WWC1: variants seen among roughly 807,000 people sequenced by gnomAD.
WWC1 encodes WW and C2 domain containing 1, also known as protein KIBRA.
A neutral mutation model predicts 138.4 loss-of-function variants in WWC1; 55 were observed. The observed-to-expected ratio is 0.40, with a 90% CI of 0.32 to 0.50. The LOEUF (loss-of-function observed/expected upper bound fraction) is 0.50, where lower values mean the gene tolerates loss of function less well. Ranked by LOEUF, WWC1 falls within the 20% of genes least tolerant of loss-of-function variation. The pLI, the probability that WWC1 is intolerant of heterozygous loss-of-function variation, is 0.72. For synonymous variants in WWC1, 524 were observed against 564.9 expected (o/e 0.93, Z 1.03); for missense variants, 1,226 against 1,420.4 (o/e 0.86, Z 2.20).
intron 1 of WWC1, among the ~76,000 whole-genome samples, chr5:168,300,603 T>C (rs1484119581): frequency 8.0e-5 from 12 of 149,954 alleles, no homozygotes; most frequent in African/African-American, 2.4e-4. Context: ...AAAATGAAGC[T>C]GCATCAAGAT....
intron 11 of WWC1, among the ~76,000 whole-genome samples, chr5:168,425,186 C>T (rs1448436669): frequency 3.3e-5 from 5 of 152,056 alleles, no homozygotes; most frequent in Non-Finnish European, 7.4e-5. Context: ...TTTCTGGCCC[C>T]GGAACCCAAC....
intron 1 of WWC1, among the ~76,000 whole-genome samples, chr5:168,312,019 A>G (rs1249782092): frequency 4.0e-5 from 6 of 151,880 alleles, no homozygotes. Flanking sequence ...ACTGCACTCC[A>G]GCCTGGGTGA....
chr5:168,395,671 C>A (rs1778848201), intron 3 of WWC1, among the ~76,000 whole-genome samples: 1 of 152,194 alleles, frequency 6.6e-6, no homozygotes, highest in Non-Finnish European at 1.5e-5. Flanking sequence ...TAAAACATCT[C>A]TGTACATGGA....
chr5:168,429,184 C>T (rs574684395), intron 13 of WWC1, among the ~76,000 whole-genome samples: 2 of 151,950 alleles, frequency 1.3e-5, no homozygotes, highest in African/African-American at 4.8e-5. Context: ...CTGGGGGCTG[C>T]AGCCCAGATT....
At chr5:168,439,630 C>CAAA (rs59747531) in intron 15 of WWC1, among the ~76,000 whole-genome samples, 1 of 120,918 alleles carries the variant, frequency 8.3e-6, no homozygotes, top group Non-Finnish European at 1.8e-5. Context: ...AACTCTGTCT[C>CAAA]AAAAAAAAAA....
chr5:168,445,701 CAAAAAAAAAA>C (rs763044458), intron 17 of WWC1, among the ~76,000 whole-genome samples: 2 of 50,684 alleles, frequency 3.9e-5, no homozygotes, highest in Non-Finnish European at 7.8e-5. Flanking sequence ...GACTCTGTCT[CAAAAAAAAAA>C]AAAAAAAAAA....
intron 3 of WWC1, among the ~76,000 whole-genome samples, chr5:168,395,961 A>G (rs985018286): frequency 2.0e-5 from 3 of 152,234 alleles, no homozygotes; most frequent in African/African-American, 7.2e-5. Flanking sequence ...AAACAGTAGC[A>G]TTCCCCTCAT....
chr5:168,367,436 A>C (rs1582054853), intron 1 of WWC1, among the ~76,000 whole-genome samples: 2 of 151,570 alleles, frequency 1.3e-5, no homozygotes, highest in East Asian at 1.9e-4. Flanking sequence ...GGTTCACGCC[A>C]TTCTCCTGCC....
At chr5:168,394,720 A>G (rs1778764379) in intron 3 of WWC1, among the ~76,000 whole-genome samples, 1 of 152,244 alleles carries the variant, frequency 6.6e-6, no homozygotes, top group South Asian at 2.1e-4. Flanking sequence ...AGGGAGACTC[A>G]TCTCAATTGA....
chr5:168,395,259 AACAGGGTGGTTGGCAGG>A (rs1380198329), intron 3 of WWC1, among the ~76,000 whole-genome samples: 2 of 152,184 alleles, frequency 1.3e-5, no homozygotes, highest in Admixed American at 1.3e-4. Context: ...CAGCCTGATG[AACAGGGTGGTTGGCAGG>A]ACAGGGTGCT....
intron 1 of WWC1, among the ~76,000 whole-genome samples, chr5:168,315,710 A>G (rs1208113438): frequency 6.6e-6 from 1 of 152,156 alleles, no homozygotes; most frequent in East Asian, 1.9e-4. Context: ...GTGCAAGTGA[A>G]GGGTGCTGAG....
At chr5:168,350,871 C>T (rs1292184937) in intron 1 of WWC1, among the ~76,000 whole-genome samples, 1 of 152,132 alleles carries the variant, frequency 6.6e-6, no homozygotes, top group East Asian at 1.9e-4. Context: ...AGAGGCTGGG[C>T]GCGGTGGCTC....
Position 168,292,207 on chromosome 5 carries a change from G to C in WWC1, c.55G>C (p.Asp19His). ...PEGWEEARDF[D>H]GKVYYIDHTN... ...GGGCTGGGAGGAGGCGCGCGACTTC[G>C]ACGGCAAGGTCTACTACATAGACCA... Residue 19 changes from aspartate (D) to histidine (H), a missense_variant, in exon 1 of 23, where the codon GAC (aspartate) becomes CAC (histidine). Physicochemically the swap from Asp to His is moderately conservative, Grantham distance 81. Transcript: ENST00000265293. The surrounding 1 kb of genome is among the most constrained non-coding windows in gnomAD (Gnocchi z 4.4). The C allele has an allele frequency of 6.4e-7, 1 of 1,568,030 alleles. No homozygotes were observed. Among genetic ancestry groups the C allele is most frequent in the Non-Finnish European group, 8.6e-7 (1 of 1,156,968 alleles).
chr5:168,397,898 G>A (rs1779022675), intron 4 of WWC1, 98 bp downstream of exon 4: 3 of 1,308,398 alleles, frequency 2.3e-6, no homozygotes, highest in African/African-American at 2.9e-5. Flanking sequence ...GCTCCAGCCA[G>A]GCTATGACAG....
intron 1 of WWC1, among the ~76,000 whole-genome samples, chr5:168,301,805 A>T (rs939390628): frequency 5.9e-5 from 9 of 152,156 alleles, no homozygotes; most frequent in Non-Finnish European, 1.2e-4. Flanking sequence ...CTTTCCAGTT[A>T]GGCCAACCTA....
At chr5:168,368,113 G>T (rs1240414704) in intron 1 of WWC1, among the ~76,000 whole-genome samples, 7 of 119,278 alleles carry the variant, frequency 5.9e-5, no homozygotes, top group African/African-American at 1.9e-4. Flanking sequence ...TTTTTGAGAC[G>T]GAGTTTTGTT....
At chr5:168,464,202 A>G (rs1442888909) in intron 20 of WWC1, among the ~76,000 whole-genome samples, 1 of 152,226 alleles carries the variant, frequency 6.6e-6, no homozygotes, top group Non-Finnish European at 1.5e-5. Flanking sequence ...ATAGGGGCCC[A>G]TTACAGGAAC....
chr5:168,306,379 G>C (rs926126210), intron 1 of WWC1, among the ~76,000 whole-genome samples: 1 of 152,224 alleles, frequency 6.6e-6, no homozygotes, highest in African/African-American at 2.4e-5. Context: ...TTGGGCTACA[G>C]AGCGAGACTC....
At chr5:168,361,817 C>T (rs1051910099) in intron 1 of WWC1, among the ~76,000 whole-genome samples, 3 of 152,300 alleles carry the variant, frequency 2.0e-5, no homozygotes, top group Middle Eastern at 3.4e-3. Context: ...TGCGGTGGCT[C>T]ACGCCTGTAA....
Sources: gnomAD v4.1 joint callset for allele counts (sites outside exome capture counted in the v4.1 genomes callset) on GRCh38, gnomAD v4.1.1 for gene constraint, Gnocchi (gnomAD v3.1) non-coding constraint, MANE v1.5 for transcripts, NCBI Gene and HGNC (gene_info 2026-07-23, HGNC 2026-07-21) for gene names.